The following SLC9A9 variants were observed in gnomAD, a reference collection of about 807,000 sequenced individuals.
SLC9A9 encodes solute carrier family 9 member A9, also known as sodium/hydrogen exchanger 9.
In SLC9A9, 62 loss-of-function variants were observed where a neutral mutation model predicts 77.8. The observed-to-expected ratio is 0.80, with a 90% CI of 0.65 to 0.98. The LOEUF is 0.98. SLC9A9 is among the 50% of genes least tolerant of loss of function. The pLI is 0.00. For missense variants in SLC9A9, 775 were observed against 774.9 expected, an observed-to-expected ratio of 1.00 and a Z score of 0.00; for synonymous variants, 320 against 283.5, an observed-to-expected ratio of 1.13 and a Z score of -1.29.
intron 6 of SLC9A9, among the ~76,000 whole-genome samples, chr3:143,636,905 C>T (rs2038532765): frequency 6.6e-6 from 1 of 152,138 alleles, no homozygotes; most frequent in African/African-American, 2.4e-5. Context: ...GCCTTAGCCC[C>T]CACCCCAAGA....
At chr3:143,634,143 C>CTTTTTTTTTTTTTTTTTTTTTTT (rs1164545805) in intron 6 of SLC9A9, among the ~76,000 whole-genome samples, 1 of 147,964 alleles carries the variant, frequency 6.8e-6, no homozygotes, top group African/African-American at 2.7e-5. Context: ...TCCCATAATC[C>CTTTTTTTTTTTTTTTTTTTTTTT]TTTCTTTAAG....
intron 14 of SLC9A9, among the ~76,000 whole-genome samples, chr3:143,286,730 G>A (rs1419630293): frequency 6.6e-6 from 1 of 152,182 alleles, no homozygotes; most frequent in Non-Finnish European, 1.5e-5. Context: ...AATCACACCA[G>A]ATTTCAATGC....
At chr3:143,723,088 C>A (rs974573889) in intron 4 of SLC9A9, among the ~76,000 whole-genome samples, 3 of 152,176 alleles carry the variant, frequency 2.0e-5, no homozygotes, top group African/African-American at 2.4e-5. Context: ...ACCCAACAGG[C>A]TGATTTAGTT....
chr3:143,839,715 A>T (rs941211840), intron 1 of SLC9A9, among the ~76,000 whole-genome samples: 1 of 152,234 alleles, frequency 6.6e-6, no homozygotes, highest in Admixed American at 6.5e-5. Flanking sequence ...TATCTCAGCC[A>T]TCAGCTTATA....
At chr3:143,642,820 T>A (rs1044853016) in intron 6 of SLC9A9, among the ~76,000 whole-genome samples, 2 of 152,218 alleles carry the variant, frequency 1.3e-5, no homozygotes, top group African/African-American at 4.8e-5. Context: ...GACATTTATG[T>A]CATTCCCTTT....
intron 6 of SLC9A9, among the ~76,000 whole-genome samples, chr3:143,583,270 T>C (rs1244185065): frequency 6.6e-6 from 1 of 152,232 alleles, no homozygotes; most frequent in African/African-American, 2.4e-5. Context: ...ATTAGTTTGA[T>C]GACAGTGTAT....
At position 143,288,379 on chromosome 3, in the gene SLC9A9, C is replaced by T. The variant is rs1938440605; in HGVS notation, c.1605-19399G>A. ...CTCAGGTTCTACTTGTTCGCATTTT[C>T]GGGTCCAAGAGTTCTTTTAGGATCT... is the stretch of plus-strand genomic sequence containing the variant. On this transcript the variant is annotated intron_variant, in intron 14 of 15. Transcript: ENST00000316549. Among the ~76,000 whole-genome samples the T allele has an allele frequency of 3.9e-5, 6 of 152,196 alleles. No individual in the cohort carries two copies. In the South Asian group the frequency reaches 8.3e-4, roughly 21 times the overall value.
intron 14 of SLC9A9, among the ~76,000 whole-genome samples, chr3:143,322,509 T>A (rs1050804780): frequency 1.3e-5 from 2 of 152,210 alleles, no homozygotes; most frequent in Non-Finnish European, 2.9e-5. Flanking sequence ...CCATAACTAC[T>A]GCATGAGCCC....
chr3:143,666,719 C>T (rs77287719), intron 5 of SLC9A9, among the ~76,000 whole-genome samples: 101,889 of 152,160 alleles, frequency 0.67, 35,674 homozygotes, highest in Non-Finnish European at 0.77. Flanking sequence ...CATGAGTGAA[C>T]TCCCATTCAC....
chr3:143,266,602 A>G lies in SLC9A9; in HGVS notation c.*100T>C. On this transcript the variant is annotated 3_prime_UTR_variant, in exon 16 of 16. Coordinates refer to ENST00000316549, the MANE Select transcript of SLC9A9 (RefSeq NM_173653.4). The stretch of plus-strand genomic sequence containing the variant: ...ATTCTCTCCAATTTATGCTCTTAAT[A>G]TGTTTTCCAGCCTCTCCCCTGTACT... 3 of 1,185,486 alleles carry G rather than the reference A, an allele frequency of 2.5e-6. No individual in the cohort carries two copies. The highest frequency in any genetic ancestry group is 3.7e-6 in the Non-Finnish European group (3 of 807,374). 73.4% of individuals were successfully genotyped at this position (1,185,486 alleles called of 1,614,324 possible). A position where few individuals can be genotyped will look rare whatever the true frequency, so the allele number is the denominator to read the frequency against.
chr3:143,559,057 C>T (rs2037037638), intron 8 of SLC9A9, among the ~76,000 whole-genome samples: 2 of 152,032 alleles, frequency 1.3e-5, no homozygotes, highest in African/African-American at 4.8e-5. Context: ...AGGTATTTCC[C>T]CTTCTTGCAC....
At chr3:143,317,035 C>G (rs1313712837) in intron 14 of SLC9A9, among the ~76,000 whole-genome samples, 1 of 152,098 alleles carries the variant, frequency 6.6e-6, no homozygotes, top group Non-Finnish European at 1.5e-5. Context: ...GGAACAGGGC[C>G]TGAAATACAG....
intron 6 of SLC9A9, among the ~76,000 whole-genome samples, chr3:143,592,085 C>T (rs554791190): frequency 1.6e-4 from 25 of 152,234 alleles, no homozygotes; most frequent in African/African-American, 6.0e-4. Flanking sequence ...CCATGACCCC[C>T]CAAAAGGTTA....
chr3:143,270,910 C>T (rs1937877666), intron 14 of SLC9A9, among the ~76,000 whole-genome samples: 1 of 152,162 alleles, frequency 6.6e-6, no homozygotes, highest in African/African-American at 2.4e-5. Flanking sequence ...TTTAGTTACC[C>T]ATGGTCAACC....
At chr3:143,703,066 TATAAAGCAAAAAATTTTCGAGC>T (rs955233054) in intron 4 of SLC9A9, among the ~76,000 whole-genome samples, 1 of 109,730 alleles carries the variant, frequency 9.1e-6, no homozygotes, top group Non-Finnish European at 2.1e-5. Flanking sequence ...TACCCAGATA[TATAAAGCAAAAAATTTTCGAGC>T]TAAAGAGTGA....
At chr3:143,821,111 A>G (rs1226404589) in intron 2 of SLC9A9, among the ~76,000 whole-genome samples, 1 of 152,206 alleles carries the variant, frequency 6.6e-6, no homozygotes. Context: ...TGCTGAAATC[A>G]GCAGAAAGCA....
chr3:143,384,771 G>A (rs2033383441), intron 12 of SLC9A9, among the ~76,000 whole-genome samples: 1 of 152,200 alleles, frequency 6.6e-6, no homozygotes, highest in Non-Finnish European at 1.5e-5. Flanking sequence ...GTGGCTTGAG[G>A]AAAGAGAACC....
chr3:143,564,752 A>T (rs946533824), intron 8 of SLC9A9, among the ~76,000 whole-genome samples: 4 of 152,194 alleles, frequency 2.6e-5, no homozygotes, highest in African/African-American at 9.6e-5. Context: ...AGAAAACAGC[A>T]TGAATCTATG....
chr3:143,302,891 A>AT (rs1185372071), intron 14 of SLC9A9, among the ~76,000 whole-genome samples: 1 of 152,218 alleles, frequency 6.6e-6, no homozygotes. Context: ...GTTCTCAATT[A>AT]TCCTCCACAA....
Sources: allele counts gnomAD v4.1 joint callset (sites outside exome capture counted in the v4.1 genomes callset), GRCh38; gene constraint gnomAD v4.1.1; transcripts MANE v1.5; gene names NCBI Gene and HGNC (gene_info 2026-07-23, HGNC 2026-07-21).